Variants in OTOGL observed in about 807,000 individuals in gnomAD.
OTOGL encodes otogelin like.
Under a neutral mutation model 318.5 loss-of-function variants are expected in OTOGL, and 285 were observed. The ratio of observed to expected loss-of-function variants is 0.89; its 90% CI spans 0.81 to 0.99. The LOEUF (loss-of-function observed/expected upper bound fraction) is 0.99, where lower values mean the gene tolerates loss of function less well. OTOGL is among the 50% of genes least tolerant of loss of function. The pLI, the probability that OTOGL is intolerant of heterozygous loss-of-function variation, is 0.00. For missense variants in OTOGL, 2,899 were observed against 2,845.6 expected (o/e 1.02, Z -0.43); for synonymous variants, 987 against 936.5 (o/e 1.05, Z -0.99).
chr12:80,126,701 T>C (rs1870863758), intron 1 of OTOGL, among the ~76,000 whole-genome samples: 1 of 152,216 alleles, frequency 6.6e-6, no homozygotes, highest in Admixed American at 6.5e-5. Context: ...CTCTAAGGAC[T>C]TGCTTTATGA....
intron 15 of OTOGL, 100 bp downstream of exon 15, chr12:80,254,670 G>T: frequency 1.1e-6 from 1 of 929,274 alleles, no homozygotes; most frequent in South Asian, 2.1e-5. Flanking sequence ...TATATACCAA[G>T]GGCTACAATA....
intron 1 of OTOGL, among the ~76,000 whole-genome samples, chr12:80,203,901 G>T (rs1351014982): frequency 2.0e-5 from 3 of 152,144 alleles, no homozygotes; most frequent in Non-Finnish European, 4.4e-5. Context: ...CTTCTAATAG[G>T]TTCGCTAGGT....
At chr12:80,184,943 C>T (rs965301305) in intron 1 of OTOGL, among the ~76,000 whole-genome samples, 6 of 152,172 alleles carry the variant, frequency 3.9e-5, no homozygotes, top group Admixed American at 6.5e-5. Flanking sequence ...AAGTATTGGA[C>T]TGTTACTCAT....
At chr12:80,178,096 T>C (rs1417215249) in intron 1 of OTOGL, among the ~76,000 whole-genome samples, 1 of 140,222 alleles carries the variant, frequency 7.1e-6, no homozygotes, top group Non-Finnish European at 1.5e-5. Flanking sequence ...ACAGAGTCTC[T>C]GTCATCCAGG....
At chr12:80,336,247 G>T in intron 39 of OTOGL, 107 bp downstream of exon 39, 1 of 1,352,684 alleles carries the variant, frequency 7.4e-7, no homozygotes, top group South Asian at 1.7e-5. Flanking sequence ...TACTGTTTTT[G>T]AGTTTTCATG....
intron 24 of OTOGL, among the ~76,000 whole-genome samples, chr12:80,274,445 G>T (rs369705138): frequency 1.7e-4 from 26 of 152,124 alleles, no homozygotes; most frequent in African/African-American, 5.5e-4. Flanking sequence ...TGAGGGAGGT[G>T]ACAAAGCTGC....
intron 1 of OTOGL, among the ~76,000 whole-genome samples, chr12:80,108,096 ATAAAAGT>A (rs1869565152): frequency 6.6e-6 from 1 of 152,162 alleles, no homozygotes; most frequent in South Asian, 2.1e-4. Context: ...CAAAACTAAA[ATAAAAGT>A]TAAAAAGAAA....
At chr12:80,150,971 A>G (rs1193864250) in intron 1 of OTOGL, among the ~76,000 whole-genome samples, 2 of 152,246 alleles carry the variant, frequency 1.3e-5, no homozygotes, top group African/African-American at 4.8e-5. Flanking sequence ...TGTTCATGGA[A>G]GAAATTATAG....
intron 39 of OTOGL, 29 bp downstream of exon 39, chr12:80,336,169 T>A: frequency 5.4e-6 from 1 of 184,402 alleles, no homozygotes; most frequent in Non-Finnish European, 1.0e-5. Flanking sequence ...AGCGGTGATC[T>A]TTTTTTTTTT....
intron 11 of OTOGL, among the ~76,000 whole-genome samples, chr12:80,249,099 CT>C (rs1186686009): frequency 6.8e-6 from 1 of 145,998 alleles, no homozygotes; most frequent in African/African-American, 2.7e-5. Context: ...ACTTGTTTGC[CT>C]TTGGTTTGAA....
chr12:80,336,760 A>G, intron 40 of OTOGL, 37 bp from the exon 41 acceptor site: 3 of 1,483,204 alleles, frequency 2.0e-6, no homozygotes. Context: ...AAAAAGTCAA[A>G]TAATGCATTT....
At chr12:80,173,072 C>T (rs1874311664) in intron 1 of OTOGL, among the ~76,000 whole-genome samples, 1 of 152,072 alleles carries the variant, frequency 6.6e-6, no homozygotes, top group South Asian at 2.1e-4. Flanking sequence ...ACATTCGGAA[C>T]ATGTACCCCT....
At chr12:80,199,548 A>G (rs1259832532) in intron 1 of OTOGL, among the ~76,000 whole-genome samples, 1 of 152,224 alleles carries the variant, frequency 6.6e-6, no homozygotes, top group Non-Finnish European at 1.5e-5. Flanking sequence ...AATAGTGCCC[A>G]TTGAATTAGT....
chr12:80,217,568 G>A (rs557756879), intron 4 of OTOGL, 30 bp from the exon 5 acceptor site: 6 of 1,405,070 alleles, frequency 4.3e-6, no homozygotes, highest in South Asian at 2.5e-5. Context: ...TAATTTAACT[G>A]TATTGCATTC....
In OTOGL at chr12:80,102,657, A is replaced by G. The variant is rs1869209374; in HGVS notation, c.-20+3052A>G. On this transcript the variant is annotated intron_variant, in intron 1 of 58. Coordinates refer to ENST00000547103, the MANE Select transcript of OTOGL (RefSeq NM_001378609.3). Reference sequence around the variant, plus strand: ...TTTTCCCCCACTCCCAATTGTATCTATCCCCCTCACTGTAGTCAGGGTGTT... The same window carrying G: ...TTTTCCCCCACTCCCAATTGTATCTGTCCCCCTCACTGTAGTCAGGGTGTT... Among the ~76,000 whole-genome samples, 3 of 152,254 alleles carry G rather than the reference A, an allele frequency of 2.0e-5. No individual in the cohort carries two copies. In the South Asian group the frequency reaches 6.2e-4, roughly 32 times the overall value.
chr12:80,347,982 T>C (rs60170003), intron 44 of OTOGL, among the ~76,000 whole-genome samples: 5,819 of 152,336 alleles, frequency 0.038, 256 homozygotes, highest in East Asian at 0.17. Flanking sequence ...GTTTTTTTCT[T>C]GTAAATTTGT....
chr12:80,337,418 G>A (rs1466367273), intron 42 of OTOGL, among the ~76,000 whole-genome samples: 1 of 152,006 alleles, frequency 6.6e-6, no homozygotes. Context: ...TAGAAGGAGT[G>A]GGTTTGAAGT....
At chr12:80,210,791 T>G (rs1020944228) in intron 2 of OTOGL, 56 bp from the exon 3 acceptor site, 2 of 1,176,138 alleles carry the variant, frequency 1.7e-6, no homozygotes, top group Non-Finnish European at 2.3e-6. Context: ...AACTGGAACA[T>G]GTAGCCAATA....
intron 52 of OTOGL, among the ~76,000 whole-genome samples, chr12:80,365,398 A>G (rs976426538): frequency 1.3e-5 from 2 of 152,142 alleles, no homozygotes; most frequent in African/African-American, 2.4e-5. Context: ...GAATAAAAGC[A>G]TAATTGAATA....
Sources: gnomAD v4.1 joint callset for allele counts (sites outside exome capture counted in the v4.1 genomes callset) on GRCh38, gnomAD v4.1.1 for gene constraint, MANE v1.5 for transcripts, NCBI Gene and HGNC (gene_info 2026-07-23, HGNC 2026-07-21) for gene names.